NCAM2: variants seen among roughly 807,000 people sequenced by gnomAD.
The protein encoded by NCAM2 is N-CAM-2.
A neutral mutation model predicts 98.1 loss-of-function variants in NCAM2; 30 were observed. That is an observed-to-expected ratio of 0.31 (90% CI 0.23 to 0.41). NCAM2 has a LOEUF of 0.41. Ranked by LOEUF, NCAM2 falls within the 10% of genes least tolerant of loss-of-function variation. The probability of loss-of-function intolerance (pLI) is 1.00; values close to 1 mark genes in which losing one functional copy is unlikely to be tolerated. For missense variants in NCAM2, 867 were observed against 1,005.8 expected (o/e 0.86, Z 1.87); for synonymous variants, 368 against 342.4 (o/e 1.07, Z -0.83).
intron 1 of NCAM2, among the ~76,000 whole-genome samples, chr21:21,138,599 C>G (rs552776574): frequency 5.3e-5 from 8 of 152,226 alleles, no homozygotes; most frequent in East Asian, 1.9e-4. Flanking sequence ...TTGCCATCCT[C>G]TCACATCTCC....
At chr21:21,461,277 T>C (rs917879297) in intron 12 of NCAM2, among the ~76,000 whole-genome samples, 2 of 151,980 alleles carry the variant, frequency 1.3e-5, no homozygotes, top group Non-Finnish European at 2.9e-5. Flanking sequence ...GAAACTGTTA[T>C]GTTTTTAAAT....
intron 1 of NCAM2, among the ~76,000 whole-genome samples, chr21:21,040,918 G>A (rs902121581): frequency 2.0e-5 from 3 of 152,062 alleles, no homozygotes; most frequent in Non-Finnish European, 2.9e-5. Context: ...CAAGAAGAGA[G>A]GATTTTGAAT....
At chr21:21,291,451 A>G (rs180790931) in intron 4 of NCAM2, among the ~76,000 whole-genome samples, 3 of 151,880 alleles carry the variant, frequency 2.0e-5, no homozygotes, top group East Asian at 3.9e-4. Context: ...CAGGCTGTAT[A>G]CCAGCTTATT....
intron 15 of NCAM2, among the ~76,000 whole-genome samples, chr21:21,506,960 C>T (rs1020117954): frequency 4.0e-5 from 6 of 151,898 alleles, no homozygotes; most frequent in African/African-American, 9.7e-5. Flanking sequence ...ATCATGATGA[C>T]ATTGTAGAAG....
At chr21:21,171,105 T>C (rs922054215) in intron 1 of NCAM2, among the ~76,000 whole-genome samples, 1 of 152,238 alleles carries the variant, frequency 6.6e-6, no homozygotes, top group Non-Finnish European at 1.5e-5. Flanking sequence ...GCCACTGTTA[T>C]GATTAATTGC....
At chr21:21,065,059 A>G (rs116171399) in intron 1 of NCAM2, among the ~76,000 whole-genome samples, 74 of 152,200 alleles carry the variant, frequency 4.9e-4, no homozygotes, top group African/African-American at 1.7e-3. Flanking sequence ...GCAAGCCTAT[A>G]ATACCAGCTA....
chr21:21,059,460 G>A (rs973941713), intron 1 of NCAM2, among the ~76,000 whole-genome samples: 5 of 152,046 alleles, frequency 3.3e-5, no homozygotes, highest in African/African-American at 1.2e-4. Flanking sequence ...CTGCTGAGTT[G>A]TATATGCCAA....
At chr21:21,164,009 C>A (rs1322063876) in intron 1 of NCAM2, among the ~76,000 whole-genome samples, 1 of 152,100 alleles carries the variant, frequency 6.6e-6, no homozygotes, top group African/African-American at 2.4e-5. Flanking sequence ...TTCCTGGAAT[C>A]ACTGCAAGTG....
chr21:21,326,840 T>C (rs1343615247), intron 6 of NCAM2, among the ~76,000 whole-genome samples: 1 of 136,570 alleles, frequency 7.3e-6, no homozygotes, highest in Non-Finnish European at 1.5e-5. Context: ...GAAGGTAAAA[T>C]TTGTGTTAGA....
At chr21:21,211,464 A>G (rs1601657526) in intron 1 of NCAM2, among the ~76,000 whole-genome samples, 1 of 152,284 alleles carries the variant, frequency 6.6e-6, no homozygotes, top group Non-Finnish European at 1.5e-5. Flanking sequence ...TGTTTCTGGA[A>G]ATAGCCTTAC....
intron 1 of NCAM2, among the ~76,000 whole-genome samples, chr21:21,164,777 TG>T (rs908552116): frequency 6.6e-6 from 1 of 152,180 alleles, no homozygotes; most frequent in African/African-American, 2.4e-5. Context: ...CTATGCCTGG[TG>T]TTAGGGGTCA....
intron 1 of NCAM2, among the ~76,000 whole-genome samples, chr21:21,099,690 A>ATCAG (rs2066199613): frequency 6.6e-6 from 1 of 151,918 alleles, no homozygotes; most frequent in South Asian, 2.1e-4. Flanking sequence ...CAAACCTTAT[A>ATCAG]TCAGGCTTTA....
intron 16 of NCAM2, among the ~76,000 whole-genome samples, chr21:21,514,063 T>G (rs998331630): frequency 4.0e-5 from 6 of 151,778 alleles, no homozygotes; most frequent in African/African-American, 1.5e-4. Flanking sequence ...GCTCTACATA[T>G]ATAACCTGGG....
At chr21:21,389,930 A>G (rs1465151659) in intron 9 of NCAM2, among the ~76,000 whole-genome samples, 2 of 151,972 alleles carry the variant, frequency 1.3e-5, no homozygotes, top group Non-Finnish European at 2.9e-5. Context: ...GCTTACTGCA[A>G]CCTCCACCTC....
At chr21:21,445,847 G>A (rs1252793914) in intron 12 of NCAM2, among the ~76,000 whole-genome samples, 1 of 152,124 alleles carries the variant, frequency 6.6e-6, no homozygotes, top group Non-Finnish European at 1.5e-5. Context: ...ATTGTTATGT[G>A]TGAGTTTGAT....
intron 12 of NCAM2, among the ~76,000 whole-genome samples, chr21:21,439,328 AG>A (rs1182083748): frequency 3.3e-5 from 5 of 152,168 alleles, no homozygotes; most frequent in South Asian, 2.1e-4. Flanking sequence ...CATGTTGGCC[AG>A]GCTGGTCTGG....
chr21:21,479,515 C>A (rs549330128), intron 15 of NCAM2, among the ~76,000 whole-genome samples: 1 of 136,906 alleles, frequency 7.3e-6, no homozygotes, highest in African/African-American at 2.8e-5. Flanking sequence ...ACCCGGGAGG[C>A]GGAGCTTGCA....
At chr21:21,042,487 A>G (rs182243457) in intron 1 of NCAM2, among the ~76,000 whole-genome samples, 2 of 152,116 alleles carry the variant, frequency 1.3e-5, no homozygotes, top group Non-Finnish European at 2.9e-5. Flanking sequence ...CCTGACCTTC[A>G]TATTTTGAGA....
chr21:21,145,644 G>A (rs1313189318), intron 1 of NCAM2, among the ~76,000 whole-genome samples: 1 of 152,148 alleles, frequency 6.6e-6, no homozygotes, highest in Admixed American at 6.5e-5. Context: ...AAGTGGGTAA[G>A]AGGATTATTG....
Sources: gnomAD v4.1 joint callset for allele counts (sites outside exome capture counted in the v4.1 genomes callset) on GRCh38, gnomAD v4.1.1 for gene constraint, MANE v1.5 for transcripts, NCBI Gene and HGNC (gene_info 2026-07-23, HGNC 2026-07-21) for gene names.